LRRFIP2: variants seen among roughly 807,000 people sequenced by gnomAD.
LRRFIP2 encodes LRR binding FLII interacting protein 2, also known as leucine-rich repeat flightless-interacting protein 2.
In LRRFIP2, 109 loss-of-function variants were observed where a neutral mutation model predicts 125.9. The observed-to-expected ratio is 0.87, with a 90% CI of 0.74 to 1.01. The LOEUF (loss-of-function observed/expected upper bound fraction) is 1.01. Among genes scored for constraint, LRRFIP2 ranks in the 50% least tolerant of loss-of-function variants. The pLI, the probability that LRRFIP2 is intolerant of heterozygous loss-of-function variation, is 0.00. For missense variants in LRRFIP2, 850 were observed against 862.3 expected, an observed-to-expected ratio of 0.99 and a Z score of 0.18; for synonymous variants, 291 against 293.1, an observed-to-expected ratio of 0.99 and a Z score of 0.07.
intron 17 of LRRFIP2, among the ~76,000 whole-genome samples, chr3:37,091,758 T>G (rs2149181125): frequency 6.6e-6 from 1 of 152,302 alleles, no homozygotes; most frequent in Non-Finnish European, 1.5e-5. Flanking sequence ...AATCTAATGT[T>G]AAATATTTTC....
chr3:37,124,510 C>T (rs553075555), intron 4 of LRRFIP2, among the ~76,000 whole-genome samples: 15 of 152,172 alleles, frequency 9.9e-5, no homozygotes, highest in South Asian at 6.2e-4. Flanking sequence ...CTGGTAGCAA[C>T]GATATAAAGT....
chr3:37,053,908 C>T lies in LRRFIP2; in HGVS notation c.2109G>A (p.Leu703=). Residue 703 remains leucine (L), a synonymous_variant, in exon 28 of 28, where the codon CTG becomes CTA. Coordinates refer to ENST00000336686, the MANE Select transcript of LRRFIP2 (RefSeq NM_006309.4). ...CCTTCATCTTCTCCAGCCGCTTGGC[C>T]AGGTGGCTGTTGGTCATCTCCATCT... ...IEEMEMTNSH[L]AKRLEKMKAN... 2 of 1,614,152 alleles carry T rather than the reference C, an allele frequency of 1.2e-6. No homozygotes were observed. The highest frequency in any genetic ancestry group is 1.7e-6 in the Non-Finnish European group (2 of 1,179,998).
At chr3:37,135,442 A>G (rs558391848) in intron 2 of LRRFIP2, among the ~76,000 whole-genome samples, 1 of 151,374 alleles carries the variant, frequency 6.6e-6, no homozygotes, top group East Asian at 1.9e-4. Context: ...TGGGCAACAG[A>G]GCAAGACTCA....
chr3:37,137,598 C>G (rs1483313977), intron 2 of LRRFIP2, among the ~76,000 whole-genome samples: 1 of 152,122 alleles, frequency 6.6e-6, no homozygotes, highest in African/African-American at 2.4e-5. Context: ...TCTCCTTTTA[C>G]CATACACAGT....
At chr3:37,162,179 AAG>A (rs755631823) in intron 1 of LRRFIP2, among the ~76,000 whole-genome samples, 1 of 140,028 alleles carries the variant, frequency 7.1e-6, no homozygotes, top group Admixed American at 7.3e-5. Flanking sequence ...AAAAAAAAAG[AAG>A]AGAGAGAGAG....
chr3:37,073,455 G>C (rs559168649), intron 20 of LRRFIP2, among the ~76,000 whole-genome samples: 3 of 151,894 alleles, frequency 2.0e-5, no homozygotes, highest in Non-Finnish European at 4.4e-5. Flanking sequence ...TTCTAATTAG[G>C]CAATGGTGCT....
chr3:37,136,862 C>T (rs898507776), intron 2 of LRRFIP2, among the ~76,000 whole-genome samples: 2 of 151,034 alleles, frequency 1.3e-5, no homozygotes, highest in East Asian at 2.0e-4. Flanking sequence ...TGAATAATCA[C>T]CTCACAATAG....
chr3:37,155,505 G>T (rs528014962), intron 1 of LRRFIP2, among the ~76,000 whole-genome samples: 11 of 152,258 alleles, frequency 7.2e-5, no homozygotes, highest in Admixed American at 5.9e-4. Context: ...CAAAAAAGGA[G>T]AAATTTTTAA....
chr3:37,074,945 C>G, intron 20 of LRRFIP2, 79 bp downstream of exon 20: 56 of 906,782 alleles, frequency 6.2e-5, no homozygotes, highest in Non-Finnish European at 9.3e-5. Context: ...TCTTAACTCT[C>G]CTTCCCTCCC....
chr3:37,106,982 G>A (rs901670966), intron 13 of LRRFIP2, among the ~76,000 whole-genome samples: 4 of 148,784 alleles, frequency 2.7e-5, no homozygotes, highest in Non-Finnish European at 4.4e-5. Context: ...TTGGCTCACC[G>A]CAGCCTCCAC....
chr3:37,102,293 T>C (rs1303563400), intron 15 of LRRFIP2, among the ~76,000 whole-genome samples: 1 of 151,378 alleles, frequency 6.6e-6, no homozygotes, highest in East Asian at 1.9e-4. Flanking sequence ...TGCTTTAGAA[T>C]AACTCAGGGA....
Position 37,105,471 on chromosome 3 carries a change from C to A in LRRFIP2, c.767G>T (p.Gly256Val). The A allele has an allele frequency of 6.2e-7, 1 of 1,613,962 alleles. No homozygotes were observed. The highest frequency in any genetic ancestry group is 1.1e-5 in the South Asian group (1 of 91,076). The change falls in exon 14 of 28, where the codon GGA becomes GTA. Residue 256 changes from glycine to valine, a missense_variant. Coordinates refer to ENST00000336686, the MANE Select transcript of LRRFIP2 (RefSeq NM_006309.4). ...SIVSSDRASR[G>V]RRESVVSAAD... ...CATGCTCACCACACTCTCCCTTCGTCCACGACTGGCACGATCAGAAGACAC... is the reference window on the plus strand; with the variant it reads ...CATGCTCACCACACTCTCCCTTCGTACACGACTGGCACGATCAGAAGACAC...
chr3:37,068,091 A>T (rs1005814700), intron 21 of LRRFIP2: 2 of 152,250 alleles, frequency 1.3e-5, no homozygotes, highest in East Asian at 3.8e-4. Context: ...GTGCATTTCT[A>T]GCACCATCTA....
At chr3:37,135,865 A>T (rs181831140) in intron 2 of LRRFIP2, among the ~76,000 whole-genome samples, 15 of 152,344 alleles carry the variant, frequency 9.8e-5, no homozygotes, top group African/African-American at 3.6e-4. Context: ...AAAATGGCAC[A>T]ATTGCTGTGT....
rs990033525 is a variant in LRRFIP2 at position 37,100,333 on chromosome 3, A to T, written c.873+2591T>A. Among the ~76,000 whole-genome samples the T allele has an allele frequency of 3.4e-5, 5 of 146,206 alleles. No homozygotes were observed. In the East Asian group the frequency reaches 9.7e-4, roughly 28 times the overall value. On this transcript the variant is annotated intron_variant, in intron 15 of 27. Coordinates refer to ENST00000336686, the MANE Select transcript of LRRFIP2 (RefSeq NM_006309.4). ...GAGCGAGACCCTGTCTCTTTAAAAA[A>T]ATATATGTATGTATGCGTATATATA... is the stretch of plus-strand genomic sequence containing the variant.
intron 13 of LRRFIP2, among the ~76,000 whole-genome samples, chr3:37,106,972 T>G (rs1253436816): frequency 1.3e-5 from 2 of 151,690 alleles, no homozygotes; most frequent in Non-Finnish European, 2.9e-5. Context: ...TGGCGTGATC[T>G]TGGCTCACCG....
chr3:37,145,319 G>A (rs1317785039), intron 2 of LRRFIP2, among the ~76,000 whole-genome samples: 1 of 152,164 alleles, frequency 6.6e-6, no homozygotes, highest in Non-Finnish European at 1.5e-5. Flanking sequence ...AATGAGAGAG[G>A]ACTTTATACA....
At chr3:37,171,617 T>G (rs1374544001) in intron 1 of LRRFIP2, among the ~76,000 whole-genome samples, 1 of 152,188 alleles carries the variant, frequency 6.6e-6, no homozygotes, top group African/African-American at 2.4e-5. Context: ...CTTGAGAAAG[T>G]AATCCATCAA....
chr3:37,149,995 C>T (rs1334071686), intron 1 of LRRFIP2, among the ~76,000 whole-genome samples: 1 of 150,806 alleles, frequency 6.6e-6, no homozygotes, highest in East Asian at 1.9e-4. Context: ...AGAGAGACTC[C>T]ACCTCAAAAA....
Sources: gnomAD v4.1 joint callset for allele counts (sites outside exome capture counted in the v4.1 genomes callset) on GRCh38, gnomAD v4.1.1 for gene constraint, MANE v1.5 for transcripts, NCBI Gene and HGNC (gene_info 2026-07-23, HGNC 2026-07-21) for gene names.